The following MAP2K5 variants were observed in gnomAD, a reference collection of about 807,000 sequenced individuals.
MAP2K5 encodes the protein mitogen-activated protein kinase kinase 5.
MAP2K5 carries 49 observed loss-of-function variants against 83.1 expected under a neutral mutation model. The ratio of observed to expected loss-of-function variants is 0.59; its 90% CI spans 0.47 to 0.75. The LOEUF (loss-of-function observed/expected upper bound fraction) is 0.75. Ranked by LOEUF, MAP2K5 falls within the 30% of genes least tolerant of loss-of-function variation. MAP2K5 has a pLI of 0.00. For synonymous variants in MAP2K5, 202 were observed against 191.8 expected (o/e 1.05, Z -0.44); for missense variants, 457 against 557.5 (o/e 0.82, Z 1.82).
intron 8 of MAP2K5, among the ~76,000 whole-genome samples, chr15:67,626,356 C>T (rs1229814150): frequency 2.0e-5 from 3 of 151,980 alleles, no homozygotes; most frequent in African/African-American, 7.3e-5. Flanking sequence ...AACCTTGTCT[C>T]TATGAAAAAT....
chr15:67,631,241 C>G (rs2086466737), intron 9 of MAP2K5, among the ~76,000 whole-genome samples: 1 of 152,178 alleles, frequency 6.6e-6, no homozygotes, highest in Non-Finnish European at 1.5e-5. Context: ...GTAATGTATT[C>G]CTTTTCCTTC....
chr15:67,567,500 G>A (rs977897521), intron 3 of MAP2K5, among the ~76,000 whole-genome samples: 2 of 151,890 alleles, frequency 1.3e-5, no homozygotes, highest in African/African-American at 4.8e-5. Flanking sequence ...GAGTAGCTGG[G>A]ACTACAGGCG....
At chr15:67,557,457 A>G (rs2084651176) in intron 2 of MAP2K5, among the ~76,000 whole-genome samples, 1 of 152,220 alleles carries the variant, frequency 6.6e-6, no homozygotes, top group South Asian at 2.1e-4. Flanking sequence ...GGTTCAGAAA[A>G]CATGGTTATA....
At chr15:67,797,769 G>A (rs926706878) in intron 21 of MAP2K5, among the ~76,000 whole-genome samples, 10 of 151,944 alleles carry the variant, frequency 6.6e-5, no homozygotes, top group Admixed American at 2.0e-4. Context: ...TGCAACCTCT[G>A]CCTCCTGGGT....
intron 9 of MAP2K5, chr15:67,641,681 C>T: frequency 2.2e-6 from 2 of 903,716 alleles, no homozygotes; most frequent in Non-Finnish European, 2.7e-6. Flanking sequence ...CTCACTTAAC[C>T]CTTTCTCCAT....
intron 2 of MAP2K5, among the ~76,000 whole-genome samples, chr15:67,550,379 G>C (rs896647139): frequency 6.6e-6 from 1 of 152,184 alleles, no homozygotes; most frequent in Non-Finnish European, 1.5e-5. Context: ...AATGAAACGT[G>C]TAAACTACCT....
chr15:67,775,541 A>G lies in MAP2K5; in HGVS notation c.1242+2789A>G, dbSNP rs962688105. On this transcript the variant is annotated intron_variant, in intron 21 of 21. Coordinates refer to ENST00000178640, the MANE Select transcript of MAP2K5 (RefSeq NM_145160.3). This position sits in a 1 kb window ranked among gnomAD's most constrained non-coding sequence, Gnocchi z 5.3. ...TTTGTTAGTTGATATACCATTGTGC[A>G]CAGTCTTGTTCTAGACTCAGCAGAA... Among the ~76,000 whole-genome samples, 1 of 152,240 alleles carries G rather than the reference A, an allele frequency of 6.6e-6. No homozygotes were observed. The highest frequency in any genetic ancestry group is 3.2e-3 in the Middle Eastern group (1 of 316).
chr15:67,729,646 G>A (rs1156667620), intron 17 of MAP2K5, among the ~76,000 whole-genome samples: 3 of 152,040 alleles, frequency 2.0e-5, no homozygotes, highest in Admixed American at 1.3e-4. Context: ...CGTGGTGGCG[G>A]GCACCTGTAG....
chr15:67,585,867 A>T, intron 4 of MAP2K5, 23 bp from the exon 5 acceptor site: 1 of 1,611,500 alleles, frequency 6.2e-7, no homozygotes, highest in Non-Finnish European at 8.5e-7. Context: ...TGTGTTCTAC[A>T]ATTTAGTCAA....
In MAP2K5 at chr15:67,587,917, A is replaced by C. The variant is rs144630393; in HGVS notation, c.431+1004A>C. ...GTAGCTCTGCGTCTTTCTACTCGCC[A>C]GCATCCCTGCTGCTGTGTGGGTGGT... On this transcript the variant is annotated intron_variant, in intron 6 of 21. Transcript: ENST00000178640. The surrounding 1 kb of genome is among the most constrained non-coding windows in gnomAD (Gnocchi z 4.8). The C allele has an allele frequency of 1.9e-5, 3 of 155,344 alleles. No homozygotes were observed. The highest frequency in any genetic ancestry group is 6.5e-5 in the Admixed American group (1 of 15,308). 9.6% of individuals were successfully genotyped at this position (155,344 alleles called of 1,614,324 possible).
In MAP2K5 at chr15:67,631,072, A is replaced by G. The variant is rs2086463181; in HGVS notation, c.585+145A>G. Reference sequence around the variant, plus strand: ...TAGGGGAAGCTGTGGCTCTCTGGTGACATTCAGACACCTGAAGATCTTTTA... The same window carrying G: ...TAGGGGAAGCTGTGGCTCTCTGGTGGCATTCAGACACCTGAAGATCTTTTA... On this transcript the variant is annotated intron_variant, in intron 9 of 21. Transcript: ENST00000178640. The G allele has an allele frequency of 9.7e-6, 6 of 618,340 alleles. No homozygotes were observed. In the Middle Eastern group the frequency reaches 1.0e-3, roughly 105 times the overall value. The allele number at this position is 618,340 out of a possible 1,614,324, so 38.3% of individuals were successfully genotyped here. A position where few individuals can be genotyped will look rare whatever the true frequency, so the allele number is the denominator to read the frequency against.
In MAP2K5 at chr15:67,628,262, A is replaced by G. The variant is rs1013506527; in HGVS notation, c.546-2626A>G. The G allele has an allele frequency of 5.2e-6, 3 of 575,916 alleles. No homozygotes were observed. The African/African-American group carries it at 5.7e-5, about 11-fold the overall frequency. The allele number at this position is 575,916 out of a possible 1,614,324, so 35.7% of individuals were successfully genotyped here. ...TTTGGGAGGCTGAGGTGGGCAGATC[A>G]CGAGGTCAGGGATTTGAGACCAGCC... On this transcript the variant is annotated intron_variant, in intron 8 of 21. Coordinates refer to ENST00000178640, the MANE Select transcript of MAP2K5 (RefSeq NM_145160.3).
intron 11 of MAP2K5, among the ~76,000 whole-genome samples, chr15:67,648,906 C>T (rs1394509001): frequency 6.6e-6 from 1 of 152,098 alleles, no homozygotes; most frequent in East Asian, 1.9e-4. Flanking sequence ...TGGGTATATA[C>T]CTAGGAGTAA....
chr15:67,554,985 AC>A (rs2084594312), intron 2 of MAP2K5, among the ~76,000 whole-genome samples: 1 of 152,146 alleles, frequency 6.6e-6, no homozygotes. Context: ...AGGGGGTCAA[AC>A]CTGAGGAGCT....
rs973921882 is a variant in MAP2K5, at chr15:67,794,873, A to G, written c.1243-11773A>G. Among the ~76,000 whole-genome samples the G allele has an allele frequency of 6.6e-6, 1 of 152,244 alleles. No individual in the cohort carries two copies. Among genetic ancestry groups the G allele is most frequent in the Non-Finnish European group, 1.5e-5 (1 of 68,050 alleles). ...TTAAAGGGGTAGCAGCCTTTACTTA[A>G]TTGGCTGCTTCTTGAAATAAGATGA... On this transcript the variant is annotated intron_variant, in intron 21 of 21. Coordinates refer to ENST00000178640, the MANE Select transcript of MAP2K5 (RefSeq NM_145160.3). The surrounding 1 kb of genome is among the most constrained non-coding windows in gnomAD (Gnocchi z 4.6).
rs1488831978 is a variant in MAP2K5 at position 67,778,204 on chromosome 15, T to C, written c.1242+5452T>C. ...CTTGTTTAACTCCTCTAAATTAAAT[T>C]GTCACTGGTAGCTTTTCTGCTTTTC... On this transcript the variant is annotated intron_variant, in intron 21 of 21. Transcript: ENST00000178640. The surrounding 1 kb of genome is among the most constrained non-coding windows in gnomAD (Gnocchi z 5.0). Among the ~76,000 whole-genome samples the C allele has an allele frequency of 6.6e-6, 1 of 152,244 alleles. No homozygotes were observed. Among genetic ancestry groups the C allele is most frequent in the Non-Finnish European group, 1.5e-5 (1 of 68,042 alleles).
chr15:67,729,339 C>T (rs1425786491), intron 17 of MAP2K5, among the ~76,000 whole-genome samples: 2 of 152,276 alleles, frequency 1.3e-5, no homozygotes, highest in East Asian at 3.9e-4. Flanking sequence ...CAGTATATTT[C>T]TCAAACAAAT....
Position 67,778,437 on chromosome 15 carries a change from C to A in MAP2K5, c.1242+5685C>A, listed in dbSNP as rs1218138215. On this transcript the variant is annotated intron_variant, in intron 21 of 21. Coordinates refer to ENST00000178640, the MANE Select transcript of MAP2K5 (RefSeq NM_145160.3). This position sits in a 1 kb window ranked among gnomAD's most constrained non-coding sequence, Gnocchi z 5.0. ...TGTTTCATTGTTAGACCCAAATCTT[C>A]TGATCACTGTGAAAGACAAAATGCA... Among the ~76,000 whole-genome samples, 1 of 152,130 alleles carries A rather than the reference C, an allele frequency of 6.6e-6. No individual in the cohort carries two copies. The highest frequency in any genetic ancestry group is 1.5e-5 in the Non-Finnish European group (1 of 68,032).
chr15:67,772,696 C>T lies in MAP2K5; in HGVS notation c.1197-11C>T. On this transcript the variant is annotated splice_polypyrimidine_tract_variant and intron_variant, in intron 20 of 21. Coordinates refer to ENST00000178640, the MANE Select transcript of MAP2K5 (RefSeq NM_145160.3). Reference sequence around the variant, plus strand: ...CAGATAACATAAGGGGTTTTTTTCTCTCCACTATAGTATGCGAAAACAGCC... The same window carrying T: ...CAGATAACATAAGGGGTTTTTTTCTTTCCACTATAGTATGCGAAAACAGCC... The T allele has an allele frequency of 6.4e-7, 1 of 1,557,208 alleles. No homozygotes were observed. The highest frequency in any genetic ancestry group is 8.7e-7 in the Non-Finnish European group (1 of 1,152,956).
Sources: gnomAD v4.1 joint callset for allele counts (sites outside exome capture counted in the v4.1 genomes callset) on GRCh38, gnomAD v4.1.1 for gene constraint, Gnocchi (gnomAD v3.1) non-coding constraint, MANE v1.5 for transcripts, NCBI Gene and HGNC (gene_info 2026-07-23, HGNC 2026-07-21) for gene names.